Variants in MSH3 observed in about 807,000 individuals in gnomAD.
The protein encoded by MSH3 is mutS homolog 3.
Under a neutral mutation model 123.3 loss-of-function variants are expected in MSH3, and 106 were observed. The ratio of observed to expected loss-of-function variants is 0.86; its 90% CI spans 0.73 to 1.01. The LOEUF (loss-of-function observed/expected upper bound fraction) is 1.01. Ranked by LOEUF, MSH3 falls within the 50% of genes least tolerant of loss-of-function variation. The pLI, the probability that MSH3 is intolerant of heterozygous loss-of-function variation, is 0.00. For synonymous variants in MSH3, 515 were observed against 481.4 expected (o/e 1.07, Z -0.91); for missense variants, 1,459 against 1,347.6 (o/e 1.08, Z -1.29).
At chr5:80,837,167 A>C (rs1432922180) in intron 20 of MSH3, among the ~76,000 whole-genome samples, 3 of 152,230 alleles carry the variant, frequency 2.0e-5, no homozygotes, top group Non-Finnish European at 4.4e-5. Context: ...TTGATTTTAA[A>C]ATACGGAGCT....
intron 7 of MSH3, among the ~76,000 whole-genome samples, chr5:80,675,559 T>C (rs1474560798): frequency 1.3e-5 from 2 of 152,104 alleles, no homozygotes; most frequent in Non-Finnish European, 2.9e-5. Flanking sequence ...CAACCAGATA[T>C]TGTGAGAACT....
chr5:80,784,212 C>CAAAAAAAAAAAA (rs1192783960), intron 17 of MSH3, among the ~76,000 whole-genome samples: 6 of 11,992 alleles, frequency 5.0e-4, no homozygotes, highest in East Asian at 1.8e-3. Context: ...TACTACGTCG[C>CAAAAAAAAAAAA]AAAAAAAAAA....
intron 20 of MSH3, among the ~76,000 whole-genome samples, chr5:80,851,783 C>G (rs1051851407): frequency 4.6e-5 from 7 of 152,138 alleles, no homozygotes; most frequent in Non-Finnish European, 7.4e-5. Context: ...AGGGACACAT[C>G]TTTGTTTTTT....
intron 18 of MSH3, among the ~76,000 whole-genome samples, chr5:80,789,373 T>G (rs1744569412): frequency 6.6e-6 from 1 of 151,658 alleles, no homozygotes; most frequent in Non-Finnish European, 1.5e-5. Flanking sequence ...AGTCACTTTT[T>G]TTTTTTTTTT....
intron 8 of MSH3, among the ~76,000 whole-genome samples, chr5:80,693,457 A>G (rs1750379938): frequency 9.9e-6 from 1 of 101,032 alleles, no homozygotes; most frequent in Non-Finnish European, 2.2e-5. Flanking sequence ...ATAGATAAAT[A>G]TACATGCACA....
intron 12 of MSH3, among the ~76,000 whole-genome samples, chr5:80,745,371 A>C (rs1349589461): frequency 5.3e-5 from 8 of 152,180 alleles, no homozygotes; most frequent in Non-Finnish European, 1.2e-4. Context: ...AAGCCCAGTT[A>C]ATGTTTATTG....
At chr5:80,693,594 T>G (rs994344325) in intron 8 of MSH3, among the ~76,000 whole-genome samples, 1,249 of 110,606 alleles carry the variant, frequency 0.011, 15 homozygotes, top group East Asian at 0.03. Flanking sequence ...TATAAATATA[T>G]ATAAACATAC....
chr5:80,827,830 C>G (rs1745345778), intron 20 of MSH3, among the ~76,000 whole-genome samples: 1 of 152,160 alleles, frequency 6.6e-6, no homozygotes, highest in African/African-American at 2.4e-5. Flanking sequence ...GATTGAAGAT[C>G]CCCTGGAGAT....
In MSH3 at chr5:80,686,917, A is replaced by G. The variant is rs532268320; in HGVS notation, c.1340+7824A>G. ...AATGGCTTGGAATTGTGGAGTGTCT[A>G]TCTTAAAATATTAGGGTTTTTGGTA... On this transcript the variant is annotated intron_variant, in intron 8 of 23. Transcript: ENST00000265081. Among the ~76,000 whole-genome samples the G allele has an allele frequency of 3.3e-5, 5 of 152,322 alleles. No individual in the cohort carries two copies. The South Asian group carries it at 6.2e-4, about 19-fold the overall frequency.
intron 8 of MSH3, among the ~76,000 whole-genome samples, chr5:80,688,338 A>G (rs1580562274): frequency 6.6e-6 from 1 of 152,340 alleles, no homozygotes; most frequent in East Asian, 1.9e-4. Flanking sequence ...AGTGTTAGAA[A>G]TACCTTATTA....
intron 13 of MSH3, among the ~76,000 whole-genome samples, chr5:80,762,903 A>G (rs1365464176): frequency 6.6e-6 from 1 of 151,136 alleles, no homozygotes; most frequent in Non-Finnish European, 1.5e-5. Context: ...CTGGAGTGCA[A>G]TGGCGTGATC....
At chr5:80,864,549 G>A (rs950341498) in intron 21 of MSH3, among the ~76,000 whole-genome samples, 3 of 152,052 alleles carry the variant, frequency 2.0e-5, no homozygotes, top group African/African-American at 7.2e-5. Flanking sequence ...TAAATCTTTA[G>A]TGATGAAGTG....
At position 80,668,252 on chromosome 5, in the gene MSH3, G is replaced by T. The variant is rs181371006; in HGVS notation, c.580-1845G>T. Among the ~76,000 whole-genome samples the T allele has an allele frequency of 7.2e-5, 11 of 152,304 alleles. No individual in the cohort carries two copies. The East Asian group carries it at 2.1e-3, about 29-fold the overall frequency. On this transcript the variant is annotated intron_variant, in intron 3 of 23. Coordinates refer to ENST00000265081, the MANE Select transcript of MSH3 (RefSeq NM_002439.5). ...GTGTGTGCTGATTGGTTCATGGGCT[G>T]CCATGGGCGGGCTCAGAAAACACCG... is the stretch of plus-strand genomic sequence containing the variant.
At chr5:80,873,035 G>A (rs1746248187) in intron 22 of MSH3, 81 bp from the exon 23 acceptor site, 5 of 1,221,006 alleles carry the variant, frequency 4.1e-6, no homozygotes, top group Non-Finnish European at 6.1e-6. Context: ...ATAAAGTTAT[G>A]AGAACTTACA....
chr5:80,821,342 C>G (rs1225139389), intron 20 of MSH3, among the ~76,000 whole-genome samples: 1 of 152,146 alleles, frequency 6.6e-6, no homozygotes, highest in African/African-American at 2.4e-5. Flanking sequence ...ATTGTGTATT[C>G]CCTGCCCCAC....
chr5:80,730,898 T>A lies in MSH3; in HGVS notation c.1568+1933T>A, dbSNP rs371281527. Among the ~76,000 whole-genome samples, 664 of 124,858 alleles carry A rather than the reference T, an allele frequency of 5.3e-3. 1 individual carries two copies. The highest frequency in any genetic ancestry group is 0.016 in the African/African-American group (582 of 36,666). 81.9% of individuals were successfully genotyped at this position (124,858 alleles called of 152,430 possible). A position where few individuals can be genotyped will look rare whatever the true frequency, so the allele number is the denominator to read the frequency against. On this transcript the variant is annotated intron_variant, in intron 10 of 23. Transcript: ENST00000265081. ...TCCTCATATATATATATATATATTT[T>A]TTTTTTTTTCTTTTTTTTTTTTTAG...
intron 20 of MSH3, among the ~76,000 whole-genome samples, chr5:80,828,537 T>C (rs1214166763): frequency 6.6e-6 from 1 of 152,208 alleles, no homozygotes; most frequent in Non-Finnish European, 1.5e-5. Flanking sequence ...CATTCCATGT[T>C]TATAGCCCCA....
At position 80,853,315 on chromosome 5, in the gene MSH3, T is replaced by C. The variant is rs185294030; in HGVS notation, c.2814-815T>C. ...GGTGAAACCCTGCCTCTACTAAAAA[T>C]ACAAAAAATGTTAGCCAGGTGTGGT... On this transcript the variant is annotated intron_variant, in intron 20 of 23. Transcript: ENST00000265081. Among the ~76,000 whole-genome samples the C allele has an allele frequency of 3.5e-3, 528 of 152,154 alleles. 3 individuals carry two copies. Among genetic ancestry groups the C allele is most frequent in the Middle Eastern group, 0.014 (4 of 294 alleles).
rs1746298837 is a variant in MSH3, at chr5:80,875,805, G to A, written c.3357G>A (p.Leu1119=). The change falls in exon 24 of 24, where the codon CTG becomes CTA. Residue 1119 remains leucine, a synonymous_variant. Transcript: ENST00000265081. The part of the protein sequence containing the change: ...KLWTMHNAQD[L]QKWTEEFNME... The stretch of plus-strand genomic sequence containing the variant: ...GGACGATGCATAATGCACAAGACCT[G>A]CAGAAGTGGACAGAGGAGTTCAACA... The A allele has an allele frequency of 6.2e-7, 1 of 1,613,850 alleles. No individual in the cohort carries two copies. Among genetic ancestry groups the A allele is most frequent in the African/African-American group, 1.3e-5 (1 of 74,910 alleles).
Sources: gnomAD v4.1 joint callset for allele counts (sites outside exome capture counted in the v4.1 genomes callset) on GRCh38, gnomAD v4.1.1 for gene constraint, MANE v1.5 for transcripts, NCBI Gene and HGNC (gene_info 2026-07-23, HGNC 2026-07-21) for gene names.